ACER3: variants seen among roughly 807,000 people sequenced by gnomAD.
The protein encoded by ACER3 is alkaline ceramidase 3.
A neutral mutation model predicts 48.9 loss-of-function variants in ACER3; 16 were observed. That is an observed-to-expected ratio of 0.33 (90% CI 0.22 to 0.50). ACER3 has a LOEUF of 0.50. Ranked by LOEUF, ACER3 falls within the 20% of genes least tolerant of loss-of-function variation. The pLI, the probability that ACER3 is intolerant of heterozygous loss-of-function variation, is 0.98. For synonymous variants in ACER3, 109 were observed against 107.8 expected (o/e 1.01, Z -0.07); for missense variants, 227 against 326.0 (o/e 0.70, Z 2.34).
chr11:76,983,283 T>C (rs757651801), intron 4 of ACER3, among the ~76,000 whole-genome samples: 1 of 152,190 alleles, frequency 6.6e-6, no homozygotes, highest in South Asian at 2.1e-4. Flanking sequence ...TTTAGCCCTA[T>C]GTTTTTCATG....
intron 1 of ACER3, among the ~76,000 whole-genome samples, chr11:76,903,292 G>T (rs1946127810): frequency 6.6e-6 from 1 of 152,040 alleles, no homozygotes. Context: ...ATCCTTTAAA[G>T]CACCTTCAAA....
In ACER3 at chr11:77,021,521, G is replaced by A. The variant is rs954720720; in HGVS notation, c.*1194G>A. 2.6e-5 allele frequency: 4 copies of A among 152,160 alleles called. No homozygotes were observed. Among genetic ancestry groups the A allele is most frequent in the African/African-American group, 4.8e-5 (2 of 41,446 alleles). 9.4% of individuals were successfully genotyped at this position (152,160 alleles called of 1,614,324 possible). The stretch of plus-strand genomic sequence containing the variant: ...TTCACAAACTTAACACCTGCCTGGA[G>A]TAAAAATCTGATTTGACCCCTCTGC... On this transcript the variant is annotated 3_prime_UTR_variant, in exon 11 of 11. Transcript: ENST00000532485.
intron 9 of ACER3, among the ~76,000 whole-genome samples, chr11:77,018,914 C>T (rs1555023847): frequency 6.6e-6 from 1 of 152,174 alleles, no homozygotes; most frequent in Non-Finnish European, 1.5e-5. Flanking sequence ...GCAAGTTATC[C>T]AGAAGATCTA....
intron 4 of ACER3, among the ~76,000 whole-genome samples, chr11:76,984,068 G>A (rs1030905977): frequency 5.3e-5 from 8 of 152,144 alleles, no homozygotes; most frequent in South Asian, 2.1e-4. Context: ...GATTACAGGC[G>A]TGAGCCACCG....
At chr11:76,984,528 C>G (rs1948647825) in intron 4 of ACER3, among the ~76,000 whole-genome samples, 1 of 152,134 alleles carries the variant, frequency 6.6e-6, no homozygotes, top group Non-Finnish European at 1.5e-5. Context: ...CTCTTGCTGC[C>G]TATACCAAGT....
chr11:76,981,642 A>G (rs999227320), intron 4 of ACER3, among the ~76,000 whole-genome samples: 3 of 152,212 alleles, frequency 2.0e-5, no homozygotes, highest in Non-Finnish European at 4.4e-5. Context: ...ATTATACCAT[A>G]TGTACTCTTT....
intron 1 of ACER3, among the ~76,000 whole-genome samples, chr11:76,886,629 A>T (rs1945678632): frequency 6.6e-6 from 1 of 152,194 alleles, no homozygotes; most frequent in Admixed American, 6.5e-5. Context: ...TGGAATTTCA[A>T]AGGAGAGAAA....
intron 1 of ACER3, among the ~76,000 whole-genome samples, chr11:76,865,057 T>C (rs1206481607): frequency 2.6e-5 from 4 of 151,368 alleles, no homozygotes; most frequent in Non-Finnish European, 4.4e-5. Context: ...CACTGCAGCC[T>C]CGACCTCCCA....
At chr11:76,953,227 A>G (rs758344318) in intron 2 of ACER3, among the ~76,000 whole-genome samples, 5 of 152,212 alleles carry the variant, frequency 3.3e-5, no homozygotes, top group Non-Finnish European at 7.3e-5. Flanking sequence ...TTCATTATTT[A>G]AGCTAGCAGT....
intron 2 of ACER3, among the ~76,000 whole-genome samples, chr11:76,947,860 A>G (rs907873742): frequency 6.6e-6 from 1 of 152,214 alleles, no homozygotes; most frequent in African/African-American, 2.4e-5. Flanking sequence ...TGGAATAAAC[A>G]TGTTTAACCT....
intron 1 of ACER3, among the ~76,000 whole-genome samples, chr11:76,915,653 A>G (rs1946507283): frequency 1.3e-5 from 2 of 152,304 alleles, no homozygotes; most frequent in Middle Eastern, 3.4e-3. Flanking sequence ...TCACACTTCT[A>G]TAAAGAAATA....
chr11:76,937,466 C>A (rs560921330), intron 2 of ACER3, among the ~76,000 whole-genome samples: 1 of 151,962 alleles, frequency 6.6e-6, no homozygotes. Flanking sequence ...AACAGACTTA[C>A]AAAAATTGGT....
intron 1 of ACER3, among the ~76,000 whole-genome samples, chr11:76,887,811 C>CTTTTT (rs67954212): frequency 2.3e-5 from 2 of 87,184 alleles, no homozygotes; most frequent in South Asian, 4.2e-4. Context: ...CTATAGGTAA[C>CTTTTT]TTTTTTTTTT....
At chr11:76,928,291 C>T (rs2134823283) in intron 2 of ACER3, among the ~76,000 whole-genome samples, 1 of 152,176 alleles carries the variant, frequency 6.6e-6, no homozygotes, top group African/African-American at 2.4e-5. Context: ...ATCCTTTGCC[C>T]ACTTTTTGAT....
intron 3 of ACER3, among the ~76,000 whole-genome samples, chr11:76,966,863 CT>C (rs1317408611): frequency 1.3e-5 from 2 of 150,868 alleles, no homozygotes; most frequent in African/African-American, 4.9e-5. Flanking sequence ...CAGGAAAGAT[CT>C]ACAATTGACA....
chr11:77,005,994 T>TATATATATACGTATATATATA (rs1272209642), intron 7 of ACER3, among the ~76,000 whole-genome samples: 1 of 82,136 alleles, frequency 1.2e-5, no homozygotes, highest in Non-Finnish European at 2.5e-5. Flanking sequence ...TATATATATT[T>TATATATATACGTATATATATA]TTTTTTTTTT....
At chr11:76,933,173 CATATATAT>C (rs144524712) in intron 2 of ACER3, among the ~76,000 whole-genome samples, 4 of 129,598 alleles carry the variant, frequency 3.1e-5, no homozygotes, top group South Asian at 2.5e-4. Flanking sequence ...ATACGTATTT[CATATATAT>C]ATATATATAT....
At chr11:76,879,001 A>G (rs548350149) in intron 1 of ACER3, among the ~76,000 whole-genome samples, 23 of 152,140 alleles carry the variant, frequency 1.5e-4, no homozygotes, top group Non-Finnish European at 3.2e-4. Context: ...TTGCCCATTT[A>G]AAAAAATTGG....
At chr11:77,009,423 G>A (rs971307509) in intron 7 of ACER3, among the ~76,000 whole-genome samples, 2 of 152,148 alleles carry the variant, frequency 1.3e-5, no homozygotes, top group African/African-American at 2.4e-5. Context: ...GCCCCACTTA[G>A]AACACTGGGG....
Sources: allele counts gnomAD v4.1 joint callset (sites outside exome capture counted in the v4.1 genomes callset), GRCh38; gene constraint gnomAD v4.1.1; transcripts MANE v1.5; gene names NCBI Gene and HGNC (gene_info 2026-07-23, HGNC 2026-07-21).